TRAPPC9: variants seen among roughly 807,000 people sequenced by gnomAD.
The protein encoded by TRAPPC9 is trafficking protein particle complex subunit 9, also known as IKK2 binding protein.
A neutral mutation model predicts 124.0 loss-of-function variants in TRAPPC9; 83 were observed. The observed-to-expected ratio is 0.67, with a 90% CI of 0.56 to 0.80. The LOEUF is 0.80. TRAPPC9 is among the 30% of genes least tolerant of loss of function. The pLI is 0.00. For synonymous variants in TRAPPC9, 638 were observed against 617.5 expected (o/e 1.03, Z -0.49); for missense variants, 1,302 against 1,508.3 (o/e 0.86, Z 2.27).
Position 139,788,999 on chromosome 8 carries a change from A to G in TRAPPC9, c.3056-56797T>C, listed in dbSNP as rs930959329. Among the ~76,000 whole-genome samples the G allele has an allele frequency of 3.9e-5, 6 of 152,234 alleles. No homozygotes were observed. Among genetic ancestry groups the G allele is most frequent in the South Asian group, 2.1e-4 (1 of 4,836 alleles). ...ATTCTTTCTGAGAAACATTCTATCC[A>G]TGAAGATGCAAACAAATTATGGGAG... On this transcript the variant is annotated intron_variant, in intron 21 of 22. Coordinates refer to ENST00000438773, the MANE Select transcript of TRAPPC9 (RefSeq NM_001160372.4). This position sits in a 1 kb window ranked among gnomAD's most constrained non-coding sequence, Gnocchi z 4.9.
chr8:140,273,198 C>T (rs1050325593), intron 15 of TRAPPC9, among the ~76,000 whole-genome samples: 1 of 152,236 alleles, frequency 6.6e-6, no homozygotes, highest in African/African-American at 2.4e-5. Flanking sequence ...TTCCTCTCAA[C>T]TTCTGGGCCA....
chr8:140,425,135 A>G lies in TRAPPC9; in HGVS notation c.886+1480T>C, dbSNP rs77260422. Among the ~76,000 whole-genome samples, 339 of 152,350 alleles carry G rather than the reference A, an allele frequency of 2.2e-3. 1 individual carries two copies. Among genetic ancestry groups the G allele is most frequent in the African/African-American group, 7.6e-3 (317 of 41,588 alleles). On this transcript the variant is annotated intron_variant, in intron 5 of 22. Coordinates refer to ENST00000438773, the MANE Select transcript of TRAPPC9 (RefSeq NM_001160372.4). The stretch of plus-strand genomic sequence containing the variant: ...GAAAGGACCAACGCTTGAAAGACAG[A>G]TATGATTTCAGTAGCGAGTCAGTCC...
chr8:140,375,480 G>A (rs778052706), intron 7 of TRAPPC9, among the ~76,000 whole-genome samples: 10 of 152,264 alleles, frequency 6.6e-5, no homozygotes, highest in Middle Eastern at 3.4e-3. Context: ...CAAGATCAGA[G>A]GGAAACTCCA....
intron 19 of TRAPPC9, among the ~76,000 whole-genome samples, chr8:139,951,901 A>C (rs1312716113): frequency 6.6e-6 from 1 of 152,242 alleles, no homozygotes; most frequent in Non-Finnish European, 1.5e-5. Flanking sequence ...TCACTGTGGC[A>C]ATTAAGCATT....
chr8:140,168,820 T>G (rs1345201355), intron 17 of TRAPPC9, among the ~76,000 whole-genome samples: 1 of 152,204 alleles, frequency 6.6e-6, no homozygotes, highest in Admixed American at 6.5e-5. Context: ...AAATGATTTT[T>G]CTCCACAACC....
chr8:140,057,968 C>T (rs1004839875), intron 17 of TRAPPC9, among the ~76,000 whole-genome samples: 8 of 152,222 alleles, frequency 5.3e-5, no homozygotes, highest in Non-Finnish European at 7.3e-5. Flanking sequence ...ACCTGCACCA[C>T]GCTGGGGGCA....
chr8:139,849,085 C>T (rs1209224085), intron 21 of TRAPPC9, among the ~76,000 whole-genome samples: 1 of 152,176 alleles, frequency 6.6e-6, no homozygotes, highest in Non-Finnish European at 1.5e-5. Flanking sequence ...GCTCAGTGTC[C>T]CCTTGGACTC....
At chr8:140,136,095 T>G (rs750443249) in intron 17 of TRAPPC9, among the ~76,000 whole-genome samples, 3 of 152,134 alleles carry the variant, frequency 2.0e-5, no homozygotes, top group African/African-American at 4.8e-5. Context: ...ACATCTGTTA[T>G]GTTTCCAGTG....
chr8:140,291,816 G>A (rs2065669325), intron 11 of TRAPPC9, among the ~76,000 whole-genome samples: 1 of 152,216 alleles, frequency 6.6e-6, no homozygotes, highest in South Asian at 2.1e-4. Context: ...GGGACCACAT[G>A]GCAAGGGCCT....
chr8:139,935,453 G>A (rs1833449115), intron 19 of TRAPPC9, among the ~76,000 whole-genome samples: 1 of 152,186 alleles, frequency 6.6e-6, no homozygotes, highest in African/African-American at 2.4e-5. Context: ...TTCAATGAGA[G>A]AGAATGGACT....
chr8:139,964,939 T>A (rs750233325), intron 19 of TRAPPC9, among the ~76,000 whole-genome samples: 4 of 152,186 alleles, frequency 2.6e-5, no homozygotes, highest in Admixed American at 6.5e-5. Context: ...ATCTATCCTA[T>A]CGTACCGAGC....
At chr8:140,142,519 C>T (rs2061398252) in intron 17 of TRAPPC9, among the ~76,000 whole-genome samples, 1 of 152,248 alleles carries the variant, frequency 6.6e-6, no homozygotes, top group African/African-American at 2.4e-5. Context: ...AGTGGCCTCA[C>T]ATTGGAGACA....
intron 17 of TRAPPC9, among the ~76,000 whole-genome samples, chr8:140,076,554 C>T (rs1389811772): frequency 6.6e-6 from 1 of 152,238 alleles, no homozygotes; most frequent in Admixed American, 6.5e-5. Flanking sequence ...CCGCATTCCA[C>T]GCTGTGTCCC....
Position 140,444,867 on chromosome 8 carries a change from G to GAAAAAAAAAAA in TRAPPC9, c.585-5681_585-5671dup, listed in dbSNP as rs71320363. Among the ~76,000 whole-genome samples the GAAAAAAAAAAA allele has an allele frequency of 1.3e-3, 144 of 113,884 alleles. 10 individuals are homozygous for GAAAAAAAAAAA. The highest frequency in any genetic ancestry group is 2.8e-3 in the African/African-American group (81 of 29,404). 74.7% of individuals were successfully genotyped at this position (113,884 alleles called of 152,430 possible). On this transcript the variant is annotated intron_variant, in intron 2 of 22. Coordinates refer to ENST00000438773, the MANE Select transcript of TRAPPC9 (RefSeq NM_001160372.4). ...AACAAGAGTGAAACTCCAATCTCAG[G>GAAAAAAAAAAA]AAAAAAAAAAAAAACAGGATCTGGG...
intron 18 of TRAPPC9, among the ~76,000 whole-genome samples, chr8:140,011,770 T>C (rs1839152166): frequency 1.4e-5 from 2 of 147,780 alleles, no homozygotes; most frequent in South Asian, 4.4e-4. Context: ...CTCTGCCTCC[T>C]GGGTTTAAGT....
At chr8:140,313,051 C>T (rs759328913) in intron 9 of TRAPPC9, among the ~76,000 whole-genome samples, 8 of 152,222 alleles carry the variant, frequency 5.3e-5, no homozygotes, top group Admixed American at 2.0e-4. Context: ...TGAGCCATCA[C>T]ACCCAGCCTC....
chr8:140,018,885 T>C (rs1839651739), intron 18 of TRAPPC9, among the ~76,000 whole-genome samples: 1 of 152,270 alleles, frequency 6.6e-6, no homozygotes, highest in Non-Finnish European at 1.5e-5. Context: ...TGCCTTGTTA[T>C]TCTTAGAGAA....
chr8:140,400,975 G>A (rs1200971459), intron 6 of TRAPPC9, among the ~76,000 whole-genome samples: 1 of 152,000 alleles, frequency 6.6e-6, no homozygotes, highest in Non-Finnish European at 1.5e-5. Flanking sequence ...TTCAACTGAT[G>A]TTGCATAATT....
chr8:140,188,106 C>T (rs1239637106), intron 17 of TRAPPC9, among the ~76,000 whole-genome samples: 1 of 152,176 alleles, frequency 6.6e-6, no homozygotes, highest in Non-Finnish European at 1.5e-5. Flanking sequence ...ATCCTGGCCT[C>T]CCAGAGATCA....
Sources: gnomAD v4.1 joint callset for allele counts (sites outside exome capture counted in the v4.1 genomes callset) on GRCh38, gnomAD v4.1.1 for gene constraint, Gnocchi (gnomAD v3.1) non-coding constraint, MANE v1.5 for transcripts, NCBI Gene and HGNC (gene_info 2026-07-23, HGNC 2026-07-21) for gene names.